ST8SIA2: variants seen among roughly 807,000 people sequenced by gnomAD.
ST8SIA2 encodes the protein alpha-2,8-sialyltransferase 8B.
In ST8SIA2, 22 loss-of-function variants were observed where a neutral mutation model predicts 37.6. The ratio of observed to expected loss-of-function variants is 0.58; its 90% confidence interval spans 0.42 to 0.83. ST8SIA2 has a LOEUF of 0.83. ST8SIA2 is among the 40% of genes least tolerant of loss of function. The probability of loss-of-function intolerance (pLI) is 0.00; values close to 1 mark genes in which losing one functional copy is unlikely to be tolerated. For missense variants in ST8SIA2, 382 were observed against 484.7 expected (o/e 0.79, Z 1.99); for synonymous variants, 205 against 201.2 (o/e 1.02, Z -0.16).
chr15:92,442,792 AG>A (rs954890007), intron 4 of ST8SIA2, among the ~76,000 whole-genome samples: 1 of 152,184 alleles, frequency 6.6e-6, no homozygotes, highest in African/African-American at 2.4e-5. Context: ...AGCAAGGCCT[AG>A]GGGCAGGGAT....
rs2141855825 is a variant in ST8SIA2, at chr15:92,464,714, C to G, written c.*329C>G. 1 of 347,624 alleles carries G rather than the reference C, an allele frequency of 2.9e-6. No homozygotes were observed. Among genetic ancestry groups the G allele is most frequent in the Middle Eastern group, 8.8e-4 (1 of 1,130 alleles). 21.5% of individuals were successfully genotyped at this position (347,624 alleles called of 1,614,324 possible). On this transcript the variant is annotated 3_prime_UTR_variant, in exon 6 of 6. Coordinates refer to ENST00000268164, the MANE Select transcript of ST8SIA2 (RefSeq NM_006011.4). The stretch of plus-strand genomic sequence containing the variant: ...AAGCCAGTCCCATGACTTTGGATGA[C>G]AAACTGCCTCCTGGCTTGGAGGGAT...
At chr15:92,434,625 A>C (rs2049742336) in intron 3 of ST8SIA2, among the ~76,000 whole-genome samples, 1 of 150,710 alleles carries the variant, frequency 6.6e-6, no homozygotes, top group Non-Finnish European at 1.5e-5. Flanking sequence ...GCTTAGAAGC[A>C]GCAAACCTTG....
chr15:92,404,542 C>A (rs1349860485), intron 1 of ST8SIA2, among the ~76,000 whole-genome samples: 1 of 151,908 alleles, frequency 6.6e-6, no homozygotes, highest in Admixed American at 6.6e-5. Context: ...AAAGCAGGGG[C>A]CAGGTGTGGT....
intron 5 of ST8SIA2, among the ~76,000 whole-genome samples, chr15:92,445,513 A>G (rs2049836051): frequency 6.6e-6 from 1 of 152,192 alleles, no homozygotes; most frequent in Admixed American, 6.5e-5. Context: ...CTAACTCTAC[A>G]GAGCACATCT....
intron 4 of ST8SIA2, among the ~76,000 whole-genome samples, chr15:92,442,328 G>T (rs1340892234): frequency 6.6e-6 from 1 of 152,180 alleles, no homozygotes; most frequent in Non-Finnish European, 1.5e-5. Flanking sequence ...TGCCTGCAAG[G>T]AGCTCACAGC....
chr15:92,458,534 C>T (rs918612789), intron 5 of ST8SIA2, among the ~76,000 whole-genome samples: 8 of 152,198 alleles, frequency 5.3e-5, no homozygotes, highest in African/African-American at 1.9e-4. Context: ...GACCACAGTA[C>T]AGTTTCATGT....
chr15:92,445,604 G>A (rs2049836757), intron 5 of ST8SIA2, among the ~76,000 whole-genome samples: 1 of 152,080 alleles, frequency 6.6e-6, no homozygotes, highest in Non-Finnish European at 1.5e-5. Flanking sequence ...AAGATGGAGG[G>A]GAACTTTACC....
rs1176139884 is a variant in ST8SIA2, at chr15:92,466,426, G to A, written c.*2041G>A. ...GAGGAGCAGGTAGAATTTCCAGCAG[G>A]GCCTTGGTGGATTAACCAAGGCCTT... On this transcript the variant is annotated 3_prime_UTR_variant, in exon 6 of 6. Coordinates refer to ENST00000268164, the MANE Select transcript of ST8SIA2 (RefSeq NM_006011.4). 6.6e-6 allele frequency: 1 copy of A among 151,986 alleles called. No homozygotes were observed. Among genetic ancestry groups the A allele is most frequent in the African/African-American group, 2.4e-5 (1 of 41,360 alleles). 9.4% of individuals were successfully genotyped at this position (151,986 alleles called of 1,614,324 possible). A position where few individuals can be genotyped will look rare whatever the true frequency, so the allele number is the denominator to read the frequency against.
intron 5 of ST8SIA2, among the ~76,000 whole-genome samples, chr15:92,447,020 G>A (rs1351110634): frequency 1.3e-5 from 2 of 152,136 alleles, no homozygotes; most frequent in African/African-American, 4.8e-5. Context: ...CCTGAGTTGT[G>A]TCTTTAAAAG....
At chr15:92,411,523 C>T (rs1286224224) in intron 1 of ST8SIA2, among the ~76,000 whole-genome samples, 1 of 152,084 alleles carries the variant, frequency 6.6e-6, no homozygotes, top group Non-Finnish European at 1.5e-5. Flanking sequence ...TGTTATGGTC[C>T]TATAGTGAGT....
chr15:92,444,198 A>T (rs2049823875), intron 4 of ST8SIA2, among the ~76,000 whole-genome samples: 1 of 152,172 alleles, frequency 6.6e-6, no homozygotes, highest in Non-Finnish European at 1.5e-5. Flanking sequence ...AAGCACAGAG[A>T]GGTTGAGCAA....
rs776495026 is a variant in ST8SIA2 at position 92,394,110 on chromosome 15, C to G, written c.46C>G (p.Leu16Val). ...RSWMLAALTL[L>V]VVFLIFADIS... The stretch of plus-strand genomic sequence containing the variant: ...CTGGATGCTGGCCGCGCTCACGCTG[C>G]TCGTGGTCTTCCTCATCTTCGCAGA... Residue 16 changes from leucine (L) to valine (V), a missense_variant, in exon 1 of 6, where the codon CTC becomes GTC. Physicochemically the swap from Leu to Val is conservative, Grantham distance 32. Coordinates refer to ENST00000268164, the MANE Select transcript of ST8SIA2 (RefSeq NM_006011.4). The G allele has an allele frequency of 1.9e-6, 3 of 1,560,048 alleles. No homozygotes were observed. The South Asian group carries it at 3.5e-5, about 18-fold the overall frequency.
At chr15:92,415,441 G>A (rs568882421) in intron 1 of ST8SIA2, among the ~76,000 whole-genome samples, 19 of 151,998 alleles carry the variant, frequency 1.3e-4, no homozygotes, top group Middle Eastern at 3.4e-3. Flanking sequence ...TTGATAGGAC[G>A]AGTCTAGGGA....
At chr15:92,399,807 G>GT (rs2049457402) in intron 1 of ST8SIA2, among the ~76,000 whole-genome samples, 2 of 152,206 alleles carry the variant, frequency 1.3e-5, no homozygotes, top group Admixed American at 1.3e-4. Flanking sequence ...CTTTCCCCCT[G>GT]TAAGGCAGGG....
Position 92,464,588 on chromosome 15 carries a change from G to A in ST8SIA2, c.*203G>A, listed in dbSNP as rs2049979972. 1 of 631,720 alleles carries A rather than the reference G, an allele frequency of 1.6e-6. No individual in the cohort carries two copies. Among genetic ancestry groups the A allele is most frequent in the Admixed American group, 2.7e-5 (1 of 36,378 alleles). 39.1% of individuals were successfully genotyped at this position (631,720 alleles called of 1,614,324 possible). On this transcript the variant is annotated 3_prime_UTR_variant, in exon 6 of 6. Coordinates refer to ENST00000268164, the MANE Select transcript of ST8SIA2 (RefSeq NM_006011.4). ...TTTATAACTGTGTGGTGTTCATCTA[G>A]CATTAGGCAGATAGGCCACAGGAAG... is the stretch of plus-strand genomic sequence containing the variant.
At chr15:92,443,287 C>A (rs2049816374) in intron 4 of ST8SIA2, among the ~76,000 whole-genome samples, 1 of 152,184 alleles carries the variant, frequency 6.6e-6, no homozygotes, top group Admixed American at 6.5e-5. Context: ...TGCCAGACAG[C>A]AGCCAGACCT....
chr15:92,410,029 G>A (rs1344785900), intron 1 of ST8SIA2, among the ~76,000 whole-genome samples: 1 of 152,240 alleles, frequency 6.6e-6, no homozygotes, highest in African/African-American at 2.4e-5. Flanking sequence ...GGCTTTGGTT[G>A]TGGATTTGCC....
chr15:92,438,758 T>C (rs2049779282), intron 4 of ST8SIA2, 148 bp downstream of exon 4: 5 of 1,199,932 alleles, frequency 4.2e-6, no homozygotes, highest in Non-Finnish European at 4.5e-6. Flanking sequence ...TCAGAATCAC[T>C]TGGGGAGCTT....
intron 5 of ST8SIA2, among the ~76,000 whole-genome samples, chr15:92,462,132 G>A (rs1024488675): frequency 6.6e-6 from 1 of 152,198 alleles, no homozygotes; most frequent in African/African-American, 2.4e-5. Context: ...TCGTGCCCGG[G>A]AGAATCGTGT....
Sources: allele counts gnomAD v4.1 joint callset (sites outside exome capture counted in the v4.1 genomes callset), GRCh38; gene constraint gnomAD v4.1.1; transcripts MANE v1.5; gene names NCBI Gene and HGNC (gene_info 2026-07-23, HGNC 2026-07-21).